The following FAM184B variants were observed in gnomAD, a reference collection of about 807,000 sequenced individuals.
FAM184B encodes family with sequence similarity 184 member B, also known as protein FAM184B.
In FAM184B, 111 loss-of-function variants were observed where a neutral mutation model predicts 135.9. The observed-to-expected ratio is 0.82, with a 90% CI of 0.70 to 0.96. The LOEUF (loss-of-function observed/expected upper bound fraction) is 0.96, where lower values mean the gene tolerates loss of function less well. Ranked by LOEUF, FAM184B falls within the 40% of genes least tolerant of loss-of-function variation. The pLI is 0.00. For synonymous variants in FAM184B, 552 were observed against 524.8 expected, an observed-to-expected ratio of 1.05 and a Z score of -0.71; for missense variants, 1,375 against 1,323.9, an observed-to-expected ratio of 1.04 and a Z score of -0.60.
chr4:17,715,875 A>C (rs565908873), intron 1 of FAM184B, among the ~76,000 whole-genome samples: 32 of 152,180 alleles, frequency 2.1e-4, no homozygotes, highest in Non-Finnish European at 4.1e-4. Context: ...GAGAGCCGTT[A>C]AGTCATTTCT....
chr4:17,703,504 A>AC (rs1717034622), intron 5 of FAM184B, among the ~76,000 whole-genome samples: 1 of 151,752 alleles, frequency 6.6e-6, no homozygotes, highest in African/African-American at 2.4e-5. Context: ...TCTCAAAAAA[A>AC]AACAAAAAAA....
rs141423073 is a variant in FAM184B, at chr4:17,683,695, G to T, written c.1596+4729C>A. ...GGTTTTTCTGTACAAGGGAGAACTA[G>T]GTGGTTGGTTTGTTTTTAAAAAAAT... On this transcript the variant is annotated intron_variant, in intron 7 of 17. Coordinates refer to ENST00000265018, the MANE Select transcript of FAM184B (RefSeq NM_015688.2). Among the ~76,000 whole-genome samples the T allele has an allele frequency of 3.5e-3, 529 of 152,252 alleles. 3 individuals are homozygous for T. Among genetic ancestry groups the T allele is most frequent in the Non-Finnish European group, 6.3e-3 (430 of 68,028 alleles).
chr4:17,642,172 G>A lies in FAM184B; in HGVS notation c.2403C>T (p.Ser801=), dbSNP rs780138184. The change falls in exon 13 of 18, where the codon TCC becomes TCT. Residue 801 remains serine, a synonymous_variant. Transcript: ENST00000265018. Reference sequence around the variant, plus strand: ...CCTCCCAGAGCCCGCATCCCTCGCCGGAACCCTGCCCAGCAGCGCCCGGTG... The same window carrying A: ...CCTCCCAGAGCCCGCATCCCTCGCCAGAACCCTGCCCAGCAGCGCCCGGTG... The part of the protein sequence containing the change: ...GSPPGAAGQG[S]GEGCGLWEEN... The A allele has an allele frequency of 5.2e-6, 8 of 1,532,258 alleles. No homozygotes were observed. The highest frequency in any genetic ancestry group is 7.0e-6 in the Non-Finnish European group (8 of 1,145,244). The allele number at this position is 1,532,258 out of a possible 1,614,324, so 94.9% of individuals were successfully genotyped here. A position where few individuals can be genotyped will look rare whatever the true frequency, so the allele number is the denominator to read the frequency against.
intron 1 of FAM184B, among the ~76,000 whole-genome samples, chr4:17,716,664 C>A (rs1309575409): frequency 6.6e-6 from 1 of 151,972 alleles, no homozygotes; most frequent in Non-Finnish European, 1.5e-5. Flanking sequence ...GTTTAACAGT[C>A]TCTTTTCATC....
chr4:17,694,320 G>A (rs563245315), intron 5 of FAM184B, among the ~76,000 whole-genome samples: 2 of 152,252 alleles, frequency 1.3e-5, no homozygotes, highest in African/African-American at 2.4e-5. Flanking sequence ...TCAGCAGATC[G>A]AGACCATCCT....
chr4:17,706,520 C>G (rs1466180673), intron 3 of FAM184B, among the ~76,000 whole-genome samples: 1 of 152,168 alleles, frequency 6.6e-6, no homozygotes, highest in Non-Finnish European at 1.5e-5. Context: ...CTCCCAGTGT[C>G]AAGAGCTTTC....
At position 17,678,190 on chromosome 4, in the gene FAM184B, G is replaced by C. The variant is rs371364093; in HGVS notation, c.1596+10234C>G. On this transcript the variant is annotated intron_variant, in intron 7 of 17. Coordinates refer to ENST00000265018, the MANE Select transcript of FAM184B (RefSeq NM_015688.2). ...AGCCAGAGCAATCAGACAAGAGAAA[G>C]AAATAAAGGGCATCCAAATCAGTAA... 3.4e-4 allele frequency among the ~76,000 whole-genome samples: 52 copies of C among 152,210 alleles called. 1 individual carries two copies. In the East Asian group the frequency reaches 6.9e-3, roughly 20 times the overall value.
At chr4:17,666,565 C>T (rs1015362789) in intron 7 of FAM184B, among the ~76,000 whole-genome samples, 2 of 133,512 alleles carry the variant, frequency 1.5e-5, no homozygotes, top group East Asian at 4.9e-4. Flanking sequence ...CTCAGGTGAT[C>T]TGCCCACCTC....
At chr4:17,665,864 T>C (rs1716035791) in intron 7 of FAM184B, among the ~76,000 whole-genome samples, 1 of 151,980 alleles carries the variant, frequency 6.6e-6, no homozygotes, top group Non-Finnish European at 1.5e-5. Flanking sequence ...CCTTCCTTTG[T>C]GCAGCCTTCA....
intron 1 of FAM184B, among the ~76,000 whole-genome samples, chr4:17,761,034 G>A (rs972684706): frequency 6.6e-6 from 1 of 152,152 alleles, no homozygotes; most frequent in Non-Finnish European, 1.5e-5. Context: ...ATTTTTAGTT[G>A]AGGCCAGGGA....
intron 1 of FAM184B, among the ~76,000 whole-genome samples, chr4:17,739,555 G>GTTTTTTTTTTTTTTTTT (rs397992408): frequency 0.014 from 887 of 62,496 alleles, 307 homozygotes; most frequent in Middle Eastern, 0.036. Flanking sequence ...CATACCAACT[G>GTTTTTTTTTTTTTTTTT]TTTTTTTTTT....
chr4:17,707,816 G>A (rs1388333624), intron 2 of FAM184B, 32 bp from the exon 3 acceptor site: 1 of 1,551,416 alleles, frequency 6.4e-7, no homozygotes, highest in South Asian at 1.2e-5. Context: ...CATTTCTCTG[G>A]TTATAGCTCT....
At chr4:17,775,654 A>C (rs1208576931) in intron 1 of FAM184B, among the ~76,000 whole-genome samples, 2 of 152,368 alleles carry the variant, frequency 1.3e-5, no homozygotes, top group East Asian at 3.8e-4. Flanking sequence ...AATCTAGGAC[A>C]GGCACTGCAT....
At chr4:17,749,206 G>A (rs922394979) in intron 1 of FAM184B, among the ~76,000 whole-genome samples, 4 of 151,834 alleles carry the variant, frequency 2.6e-5, no homozygotes, top group African/African-American at 2.4e-5. Context: ...CCTCTGAAGC[G>A]CATCTATAAG....
At chr4:17,671,121 G>A (rs1716160195) in intron 7 of FAM184B, among the ~76,000 whole-genome samples, 1 of 152,126 alleles carries the variant, frequency 6.6e-6, no homozygotes, top group Non-Finnish European at 1.5e-5. Context: ...CACCCCAGGA[G>A]AATGCAAAAC....
At chr4:17,744,461 T>TTA (rs556993476) in intron 1 of FAM184B, among the ~76,000 whole-genome samples, 1 of 140,878 alleles carries the variant, frequency 7.1e-6, no homozygotes, top group Non-Finnish European at 1.5e-5. Context: ...TCTCTCTCTC[T>TTA]CACACACACA....
At chr4:17,655,959 A>G (rs1232602816) in intron 10 of FAM184B, among the ~76,000 whole-genome samples, 1 of 152,184 alleles carries the variant, frequency 6.6e-6, no homozygotes, top group East Asian at 1.9e-4. Context: ...CTAATGACCT[A>G]TCCGAGCTCC....
At chr4:17,745,634 C>T (rs547496123) in intron 1 of FAM184B, among the ~76,000 whole-genome samples, 1 of 152,182 alleles carries the variant, frequency 6.6e-6, no homozygotes, top group South Asian at 2.1e-4. Flanking sequence ...GTGCACCCTG[C>T]CTACTCCTGT....
chr4:17,635,958 C>T (rs534979344), intron 15 of FAM184B, among the ~76,000 whole-genome samples: 1 of 152,214 alleles, frequency 6.6e-6, no homozygotes, highest in South Asian at 2.1e-4. Flanking sequence ...CAAACCTAAG[C>T]CATTATAGAT....
Sources: allele counts gnomAD v4.1 joint callset (sites outside exome capture counted in the v4.1 genomes callset), GRCh38; gene constraint gnomAD v4.1.1; transcripts MANE v1.5; gene names NCBI Gene and HGNC (gene_info 2026-07-23, HGNC 2026-07-21).